Variants in SLC15A5 observed in about 807,000 individuals in gnomAD.
SLC15A5 encodes the protein solute carrier family 15 member 5.
In SLC15A5, 58 loss-of-function variants were observed where a neutral mutation model predicts 56.1. That is an observed-to-expected ratio of 1.03 (90% CI 0.84 to 1.29). SLC15A5 has a LOEUF of 1.29. Ranked by LOEUF, SLC15A5 falls within the 50% of genes most tolerant of loss-of-function variation. The probability of loss-of-function intolerance (pLI) is 0.00; values close to 1 mark genes in which losing one functional copy is unlikely to be tolerated. For synonymous variants in SLC15A5, 264 were observed against 250.5 expected (o/e 1.05, Z -0.51); for missense variants, 681 against 672.1 (o/e 1.01, Z -0.15).
chr12:16,199,942 G>A (rs1020958210), intron 7 of SLC15A5, among the ~76,000 whole-genome samples: 18 of 152,060 alleles, frequency 1.2e-4, no homozygotes, highest in African/African-American at 4.3e-4. Context: ...ACCTAAAAAT[G>A]CTGTAAAGTT....
chr12:16,244,365 A>C (rs940688137), intron 4 of SLC15A5, among the ~76,000 whole-genome samples: 4 of 152,126 alleles, frequency 2.6e-5, no homozygotes, highest in Admixed American at 2.6e-4. Flanking sequence ...AGCTCCACAA[A>C]AGAAACACAT....
At chr12:16,234,986 C>A (rs1200267994) in intron 5 of SLC15A5, among the ~76,000 whole-genome samples, 1 of 151,850 alleles carries the variant, frequency 6.6e-6, no homozygotes, top group Non-Finnish European at 1.5e-5. Context: ...TCTATGGAGT[C>A]CTTGAGAAAT....
intron 2 of SLC15A5, among the ~76,000 whole-genome samples, chr12:16,270,034 G>T (rs1368431151): frequency 1.3e-5 from 2 of 152,202 alleles, no homozygotes; most frequent in South Asian, 4.1e-4. Flanking sequence ...ACACAAGGAT[G>T]TTGGCAGATT....
rs1864090772 is a variant in SLC15A5, at chr12:16,212,210, T to C, written c.1483+4683A>G. Among the ~76,000 whole-genome samples the C allele has an allele frequency of 1.3e-5, 2 of 152,188 alleles. 1 individual carries two copies. The highest frequency in any genetic ancestry group is 4.1e-4 in the South Asian group (2 of 4,822). On this transcript the variant is annotated intron_variant, in intron 7 of 8. Transcript: ENST00000344941. ...TTTGGCCAAATGAACCATTATAACG[T>C]ATGACAATGTTATATTTAAAAATAA...
intron 6 of SLC15A5, 82 bp from the exon 7 acceptor site, chr12:16,217,106 T>A (rs1467787082): frequency 5.1e-6 from 7 of 1,382,462 alleles, no homozygotes; most frequent in Non-Finnish European, 6.6e-6. Flanking sequence ...ATGTTGATCA[T>A]GTATCAAAGA....
At chr12:16,266,415 C>T (rs562268548) in intron 2 of SLC15A5, among the ~76,000 whole-genome samples, 2 of 152,234 alleles carry the variant, frequency 1.3e-5, no homozygotes, top group South Asian at 4.1e-4. Context: ...TACAACTATT[C>T]CAAGACTTAA....
Position 16,237,836 on chromosome 12 carries a change from C to T in SLC15A5, c.1162+1845G>A, listed in dbSNP as rs180696404. 6.6e-6 allele frequency among the ~76,000 whole-genome samples: 1 copy of T among 152,232 alleles called. No individual in the cohort carries two copies. Among genetic ancestry groups the T allele is most frequent in the Non-Finnish European group, 1.5e-5 (1 of 68,006 alleles). On this transcript the variant is annotated intron_variant, in intron 5 of 8. Coordinates refer to ENST00000344941, the MANE Select transcript of SLC15A5 (RefSeq NM_001170798.1). This position sits in a 1 kb window ranked among gnomAD's most constrained non-coding sequence, Gnocchi z 4.1. ...GGCATTTCACAATATGATTTTACTC[C>T]TATTTTGTCCTGCATGCATTATGTT...
At chr12:16,272,495 G>T in intron 2 of SLC15A5, 66 bp downstream of exon 2, 1 of 1,432,710 alleles carries the variant, frequency 7.0e-7, no homozygotes, top group Non-Finnish European at 9.5e-7. Flanking sequence ...CTACCCAAAT[G>T]GAATCAGAAA....
chr12:16,198,425 G>A (rs1473737365), intron 7 of SLC15A5, among the ~76,000 whole-genome samples: 1 of 152,098 alleles, frequency 6.6e-6, no homozygotes, highest in African/African-American at 2.4e-5. Context: ...AAGGATTGTA[G>A]AATCATCTAG....
intron 8 of SLC15A5, among the ~76,000 whole-genome samples, chr12:16,193,259 G>A (rs576554586): frequency 3.0e-4 from 45 of 152,152 alleles, no homozygotes; most frequent in African/African-American, 1.1e-3. Flanking sequence ...TACTGTGAAG[G>A]ATCAGTTTGA....
intron 4 of SLC15A5, among the ~76,000 whole-genome samples, chr12:16,240,985 C>G (rs917273230): frequency 6.6e-6 from 1 of 151,708 alleles, no homozygotes; most frequent in African/African-American, 2.4e-5. Flanking sequence ...GCTAATTTTT[C>G]TGTATTTTTA....
Position 16,277,387 on chromosome 12 carries a change from A to C in SLC15A5, c.299T>G (p.Leu100Arg). ...SILTPVFVRW[L>R]TDVYLGRNKL... ...GTTTCTTCCTAAATAGACATCAGTGAGCCATCTGACAAACACAGGGGTAAG... is the reference window on the plus strand; with the variant it reads ...GTTTCTTCCTAAATAGACATCAGTGCGCCATCTGACAAACACAGGGGTAAG... The change falls in exon 1 of 9, where the codon CTC becomes CGC. Residue 100 changes from leucine to arginine, a missense_variant. By Grantham distance (102) the Leu-to-Arg change is moderately radical. Transcript: ENST00000344941. The C allele has an allele frequency of 6.5e-7, 1 of 1,536,360 alleles. No individual in the cohort carries two copies. The highest frequency in any genetic ancestry group is 8.7e-7 in the Non-Finnish European group (1 of 1,146,308).
chr12:16,206,874 G>A (rs1338669383), intron 7 of SLC15A5, among the ~76,000 whole-genome samples: 3 of 152,118 alleles, frequency 2.0e-5, no homozygotes, highest in African/African-American at 7.2e-5. Flanking sequence ...AACAGGCATG[G>A]GTGATATTTG....
intron 3 of SLC15A5, among the ~76,000 whole-genome samples, chr12:16,254,918 T>G (rs1196285465): frequency 1.3e-5 from 2 of 152,126 alleles, no homozygotes; most frequent in African/African-American, 4.8e-5. Context: ...CGTATTAGTG[T>G]TCTATACCAC....
chr12:16,274,721 G>C (rs185873394), intron 1 of SLC15A5, among the ~76,000 whole-genome samples: 43 of 152,160 alleles, frequency 2.8e-4, no homozygotes, highest in African/African-American at 8.2e-4. Context: ...CTAGACAAAG[G>C]GATGTCCAAA....
chr12:16,202,073 C>T (rs1212471768), intron 7 of SLC15A5, among the ~76,000 whole-genome samples: 1 of 152,090 alleles, frequency 6.6e-6, no homozygotes. Flanking sequence ...ACAACAGAAG[C>T]ATTGACAATA....
intron 2 of SLC15A5, among the ~76,000 whole-genome samples, chr12:16,266,658 T>TA (rs781244154): frequency 2.0e-5 from 3 of 151,886 alleles, no homozygotes; most frequent in African/African-American, 7.3e-5. Flanking sequence ...GTATCATCTA[T>TA]AAAAAAAAGA....
At chr12:16,201,920 A>G in intron 7 of SLC15A5, among the ~76,000 whole-genome samples, 1 of 152,172 alleles carries the variant, frequency 6.6e-6, no homozygotes, top group East Asian at 1.9e-4. Flanking sequence ...ATGCAGAAGA[A>G]TGAAATTGGA....
chr12:16,234,060 C>A (rs1485551355), intron 5 of SLC15A5, among the ~76,000 whole-genome samples: 1 of 152,148 alleles, frequency 6.6e-6, no homozygotes, highest in African/African-American at 2.4e-5. Flanking sequence ...TCTCACAGTT[C>A]TAAAAGCTGG....
Sources: gnomAD v4.1 joint callset for allele counts (sites outside exome capture counted in the v4.1 genomes callset) on GRCh38, gnomAD v4.1.1 for gene constraint, Gnocchi (gnomAD v3.1) non-coding constraint, MANE v1.5 for transcripts, NCBI Gene and HGNC (gene_info 2026-07-23, HGNC 2026-07-21) for gene names.